Variants in ZNF546 observed in about 807,000 individuals in gnomAD.
ZNF546 encodes CTC-471F3.6.
In ZNF546, 60 loss-of-function variants were observed where a neutral mutation model predicts 76.2. The observed-to-expected ratio is 0.79, with a 90% CI of 0.64 to 0.98. The LOEUF is 0.98. ZNF546 is among the 50% of genes least tolerant of loss of function. The pLI is 0.00. For missense variants in ZNF546, 936 were observed against 1,035.6 expected, an observed-to-expected ratio of 0.90 and a Z score of 1.32; for synonymous variants, 277 against 328.1, an observed-to-expected ratio of 0.84 and a Z score of 1.68.
intron 3 of ZNF546, among the ~76,000 whole-genome samples, chr19:40,005,610 T>C (rs889354951): frequency 6.6e-5 from 10 of 152,126 alleles, no homozygotes; most frequent in Non-Finnish European, 1.3e-4. Context: ...TTTTAGTGAA[T>C]TGCTCATGCT....
In ZNF546 at chr19:40,014,717, C is replaced by T; in HGVS notation, c.1447C>T (p.Gln483Ter). ...TGGGAAGGCCTTTATTTGTGGTTAT[C>T]AACTTACTTTACATCTGAGAACTCA... ...ECGKAFICGY[Q>*]LTLHLRTHTG... Residue 483 changes from glutamine to a stop codon, truncating the protein, a stop_gained, in exon 7 of 7, where the codon CAA becomes TAA. Coordinates refer to ENST00000347077, the MANE Select transcript of ZNF546 (RefSeq NM_178544.5). LOFTEE classifies it high-confidence loss of function. 6.2e-7 allele frequency: 1 copy of T among 1,613,516 alleles called. No homozygotes were observed. The highest frequency in any genetic ancestry group is 8.5e-7 in the Non-Finnish European group (1 of 1,179,942).
chr19:40,007,247 T>C (rs753932035), intron 4 of ZNF546, 27 bp from the exon 5 acceptor site: 2 of 1,469,180 alleles, frequency 1.4e-6, no homozygotes, highest in South Asian at 1.5e-5. Flanking sequence ...TTTAATTTTT[T>C]TTTAATACAT....
Position 40,015,110 on chromosome 19 carries a change from T to C in ZNF546, c.1840T>C (p.Cys614Arg). ...TGEKPYICNE[C>R]GKAFRFQTEL... ...TGAAAAACCCTACATATGTAATGAATGTGGGAAAGCCTTTCGATTTCAAAC... is the reference window on the plus strand; with the variant it reads ...TGAAAAACCCTACATATGTAATGAACGTGGGAAAGCCTTTCGATTTCAAAC... Residue 614 changes from cysteine (C) to arginine (R), a missense_variant, in exon 7 of 7, where the codon TGT becomes CGT. Transcript: ENST00000347077. 1 of 1,614,066 alleles carries C rather than the reference T, an allele frequency of 6.2e-7. No individual in the cohort carries two copies. Among genetic ancestry groups the C allele is most frequent in the Non-Finnish European group, 8.5e-7 (1 of 1,179,970 alleles).
intron 6 of ZNF546, among the ~76,000 whole-genome samples, chr19:40,011,688 A>T (rs1167857383): frequency 1.3e-5 from 2 of 152,234 alleles, no homozygotes; most frequent in Non-Finnish European, 2.9e-5. Context: ...AGAAATCTAT[A>T]AGTCAGTATC....
At chr19:40,009,323 G>T (rs1328179576) in intron 6 of ZNF546, among the ~76,000 whole-genome samples, 1 of 152,194 alleles carries the variant, frequency 6.6e-6, no homozygotes, top group Admixed American at 6.5e-5. Flanking sequence ...TTGTACAATT[G>T]TTTTTGTGTT....
intron 6 of ZNF546, among the ~76,000 whole-genome samples, chr19:40,010,873 G>GGCT (rs1971662059): frequency 1.3e-5 from 2 of 151,980 alleles, no homozygotes; most frequent in Admixed American, 6.6e-5. Context: ...AGTAGAGATG[G>GGCT]GGTTTCACCA....
rs1168240457 is a variant in ZNF546, at chr19:40,013,864, C to G, written c.594C>G (p.Ile198Met). Residue 198 changes from isoleucine to methionine, a missense_variant, in exon 7 of 7, where the codon ATC (isoleucine) becomes ATG (methionine). Coordinates refer to ENST00000347077, the MANE Select transcript of ZNF546 (RefSeq NM_178544.5). ...HQMGCVSQML[I>M]QKQISHPLHP... The stretch of plus-strand genomic sequence containing the variant: ...TGGGATGCGTTAGTCAAATGCTAAT[C>G]CAAAAACAAATATCTCATCCTCTAC... The G allele has an allele frequency of 6.2e-7, 1 of 1,607,282 alleles. No homozygotes were observed. Among genetic ancestry groups the G allele is most frequent in the African/African-American group, 1.3e-5 (1 of 74,494 alleles).
intron 3 of ZNF546, 63 bp from the exon 4 acceptor site, chr19:40,006,033 C>T: frequency 1.5e-6 from 2 of 1,378,536 alleles, no homozygotes; most frequent in Non-Finnish European, 1.0e-6. Context: ...ATCTTATTAA[C>T]TTAAGTCATT....
In ZNF546 at chr19:40,008,372, G is replaced by C. The variant is rs1179715634; in HGVS notation, c.299-98G>C. The C allele has an allele frequency of 1.9e-5, 17 of 892,806 alleles. 1 individual carries two copies. The highest frequency in any genetic ancestry group is 2.7e-5 in the Non-Finnish European group (16 of 593,354). The allele number at this position is 892,806 out of a possible 1,614,324, so 55.3% of individuals were successfully genotyped here. A position where few individuals can be genotyped will look rare whatever the true frequency, so the allele number is the denominator to read the frequency against. On this transcript the variant is annotated intron_variant, in intron 5 of 6. Coordinates refer to ENST00000347077, the MANE Select transcript of ZNF546 (RefSeq NM_178544.5). ...TTGTCTAGTACCATTTTCACCTGCA[G>C]TTTCTTACAAATGTAACCAAGTCTG...
At chr19:40,005,894 A>G (rs571635639) in intron 3 of ZNF546, among the ~76,000 whole-genome samples, 1 of 152,288 alleles carries the variant, frequency 6.6e-6, no homozygotes, top group Admixed American at 6.5e-5. Flanking sequence ...AAAAATAGCT[A>G]CTTTTGTTGT....
intron 6 of ZNF546, among the ~76,000 whole-genome samples, chr19:40,012,536 GTT>G (rs1371060869): frequency 6.6e-6 from 1 of 152,080 alleles, no homozygotes; most frequent in Non-Finnish European, 1.5e-5. Context: ...TAAGAAAGGG[GTT>G]TTTATCAATG....
chr19:40,014,446 G>C lies in ZNF546; in HGVS notation c.1176G>C (p.Lys392Asn), dbSNP rs1461507227. 6.2e-7 allele frequency: 1 copy of C among 1,614,062 alleles called. No individual in the cohort carries two copies. Residue 392 changes from lysine (K) to asparagine (N), a missense_variant, in exon 7 of 7, where the codon AAG becomes AAC. By Grantham distance (94) the Lys-to-Asn change is moderately conservative. Coordinates refer to ENST00000347077, the MANE Select transcript of ZNF546 (RefSeq NM_178544.5). Reference sequence around the variant, plus strand: ...CCTATAAATGTAATGAATGTGGGAAGGCCTTTAGTCATGGCTCATACCTTG... The same window carrying C: ...CCTATAAATGTAATGAATGTGGGAACGCCTTTAGTCATGGCTCATACCTTG... ...VKPYKCNECG[K>N]AFSHGSYLVQ...
intron 6 of ZNF546, among the ~76,000 whole-genome samples, chr19:40,012,319 C>T (rs1360345587): frequency 2.0e-5 from 3 of 152,102 alleles, no homozygotes; most frequent in Non-Finnish European, 2.9e-5. Flanking sequence ...TTTGATTGAG[C>T]AATTTTGGAT....
Position 40,016,901 on chromosome 19 carries a change from A to G in ZNF546, c.*1120A>G, listed in dbSNP as rs1238807794. Reference sequence around the variant, plus strand: ...CTGTGCCTTGGTTTTTAAAATGGTAATAACAGTACCACCTAATAGTATTTT... The same window carrying G: ...CTGTGCCTTGGTTTTTAAAATGGTAGTAACAGTACCACCTAATAGTATTTT... On this transcript the variant is annotated 3_prime_UTR_variant, in exon 7 of 7. Coordinates refer to ENST00000347077, the MANE Select transcript of ZNF546 (RefSeq NM_178544.5). 2 of 152,230 alleles carry G rather than the reference A, an allele frequency of 1.3e-5. No individual in the cohort carries two copies. The highest frequency in any genetic ancestry group is 2.9e-5 in the Non-Finnish European group (2 of 68,040). 9.4% of individuals were successfully genotyped at this position (152,230 alleles called of 1,614,324 possible).
intron 3 of ZNF546, among the ~76,000 whole-genome samples, chr19:40,005,690 A>G (rs991933603): frequency 7.2e-6 from 1 of 138,018 alleles, no homozygotes. Context: ...CCCTGTCTCC[A>G]AAAAAAAAAA....
At position 40,015,972 on chromosome 19, in the gene ZNF546, TACTGATGCACTGCATCCCAA is replaced by T; in HGVS notation, c.*194_*213del. 1.6e-6 allele frequency: 1 copy of T among 607,526 alleles called. No homozygotes were observed. Among genetic ancestry groups the T allele is most frequent in the Non-Finnish European group, 2.9e-6 (1 of 346,612 alleles). The allele number at this position is 607,526 out of a possible 1,614,324, so 37.6% of individuals were successfully genotyped here. A position where few individuals can be genotyped will look rare whatever the true frequency, so the allele number is the denominator to read the frequency against. On this transcript the variant is annotated 3_prime_UTR_variant, in exon 7 of 7. Transcript: ENST00000347077. ...TCCCTGTTAGACTTTAGAAGATTGA[TACTGATGCACTGCATCCCAA>T]ACCATCAAGGGCCTTTTCCCCTACA...
intron 3 of ZNF546, among the ~76,000 whole-genome samples, chr19:40,000,642 AAAAG>A (rs1353528805): frequency 1.3e-5 from 2 of 151,880 alleles, no homozygotes; most frequent in African/African-American, 4.8e-5. Flanking sequence ...AAGAAAAAGA[AAAAG>A]AAAACAGAAT....
rs1255688670 is a variant in ZNF546, at chr19:40,017,499, TAAC to T, written c.*1720_*1722del. ...ATTTGAGTATAAATTGCAGATACTA[TAAC>T]ACATCACATCTAAGAATAAAGGCTG... On this transcript the variant is annotated 3_prime_UTR_variant, in exon 7 of 7. Coordinates refer to ENST00000347077, the MANE Select transcript of ZNF546 (RefSeq NM_178544.5). 6.6e-6 allele frequency: 1 copy of T among 152,238 alleles called. No homozygotes were observed. Among genetic ancestry groups the T allele is most frequent in the Non-Finnish European group, 1.5e-5 (1 of 68,038 alleles). 9.4% of individuals were successfully genotyped at this position (152,238 alleles called of 1,614,324 possible).
At chr19:40,013,600 AAC>A in intron 6 of ZNF546, 63 bp from the exon 7 acceptor site, 1 of 1,358,812 alleles carries the variant, frequency 7.4e-7, no homozygotes, top group Non-Finnish European at 9.8e-7. Flanking sequence ...TCCCTGCCCC[AAC>A]ACAGAAAAAT....
Sources: gnomAD v4.1 joint callset for allele counts (sites outside exome capture counted in the v4.1 genomes callset) on GRCh38, gnomAD v4.1.1 for gene constraint, MANE v1.5 for transcripts, NCBI Gene and HGNC (gene_info 2026-07-23, HGNC 2026-07-21) for gene names.